PRIM2: variants seen among roughly 807,000 people sequenced by gnomAD.
PRIM2 encodes DNA primase subunit 2, also known as DNA primase large subunit.
A neutral mutation model predicts 67.3 loss-of-function variants in PRIM2; 39 were observed. The observed-to-expected ratio is 0.58, with a 90% confidence interval of 0.45 to 0.76. The LOEUF (loss-of-function observed/expected upper bound fraction) is 0.76, where lower values mean the gene tolerates loss of function less well. Ranked by LOEUF, PRIM2 falls within the 30% of genes least tolerant of loss-of-function variation. The pLI, the probability that PRIM2 is intolerant of heterozygous loss-of-function variation, is 0.00. For synonymous variants in PRIM2, 143 were observed against 198.7 expected, an observed-to-expected ratio of 0.72 and a Z score of 2.36; for missense variants, 398 against 598.7, an observed-to-expected ratio of 0.66 and a Z score of 3.50.
At chr6:57,617,423 G>A (rs1776775253) in intron 12 of PRIM2, among the ~76,000 whole-genome samples, 2 of 152,060 alleles carry the variant, frequency 1.3e-5, no homozygotes, top group African/African-American at 4.8e-5. Flanking sequence ...TTTATTTGAG[G>A]GACACAATTC....
chr6:57,604,306 A>G (rs1188119669), intron 11 of PRIM2, among the ~76,000 whole-genome samples: 7 of 152,170 alleles, frequency 4.6e-5, no homozygotes, highest in African/African-American at 1.4e-4. Flanking sequence ...TGATTTTTGT[A>G]TATTAATTTT....
the PRIM2 span, among the ~76,000 whole-genome samples, chr6:57,241,247 G>GA: frequency 6.7e-6 from 1 of 149,152 alleles, no homozygotes; most frequent in Non-Finnish European, 1.5e-5. Context: ...AAGAAAAAAA[G>GA]AAAAAAGAAA....
intron 3 of PRIM2, among the ~76,000 whole-genome samples, chr6:57,321,760 T>G (rs1767666350): frequency 6.6e-6 from 1 of 152,220 alleles, no homozygotes; most frequent in Non-Finnish European, 1.5e-5. Flanking sequence ...TATTAACCCA[T>G]GTATGTAATT....
chr6:57,380,237 A>G (rs894655682), intron 6 of PRIM2, among the ~76,000 whole-genome samples: 3 of 152,078 alleles, frequency 2.0e-5, no homozygotes, highest in African/African-American at 7.2e-5. Context: ...TGTTTTCCTA[A>G]TGGAATACCC....
chr6:57,419,610 G>A (rs1380053394), intron 7 of PRIM2, among the ~76,000 whole-genome samples: 4 of 152,106 alleles, frequency 2.6e-5, no homozygotes, highest in Non-Finnish European at 4.4e-5. Flanking sequence ...ACTGGGTCCA[G>A]TTCCAGCAAT....
intron 7 of PRIM2, among the ~76,000 whole-genome samples, chr6:57,451,670 C>G (rs1772555353): frequency 6.6e-6 from 1 of 152,066 alleles, no homozygotes; most frequent in African/African-American, 2.4e-5. Flanking sequence ...AGTATGAAAA[C>G]TCTCATGAAT....
At chr6:57,567,467 G>A (rs1359477976) in intron 10 of PRIM2, among the ~76,000 whole-genome samples, 1 of 152,096 alleles carries the variant, frequency 6.6e-6, no homozygotes, top group African/African-American at 2.4e-5. Context: ...TAGGCTGGGT[G>A]TATTAAAATT....
At chr6:57,604,966 G>A (rs1363042248) in intron 11 of PRIM2, among the ~76,000 whole-genome samples, 48 of 152,216 alleles carry the variant, frequency 3.2e-4, no homozygotes, top group African/African-American at 1.0e-3. Flanking sequence ...CTGGGATTAC[G>A]GGCGTGAGCC....
the PRIM2 span, among the ~76,000 whole-genome samples, chr6:57,262,504 C>G: frequency 1.3e-5 from 2 of 152,308 alleles, no homozygotes; most frequent in South Asian, 2.1e-4. Context: ...TCTGCCCCAG[C>G]TCCCACATGT....
At chr6:57,363,902 T>C (rs1769272982) in intron 5 of PRIM2, among the ~76,000 whole-genome samples, 3 of 152,176 alleles carry the variant, frequency 2.0e-5, no homozygotes. Flanking sequence ...ATTTTAGGTC[T>C]TCTTAGTCAT....
upstream of PRIM2, among the ~76,000 whole-genome samples, chr6:57,312,574 C>A (rs1458690954): frequency 6.6e-6 from 1 of 152,114 alleles, no homozygotes; most frequent in African/African-American, 2.4e-5. Flanking sequence ...TTAAAATGAT[C>A]AATCTTTCTC....
At position 57,595,967 on chromosome 6, in the gene PRIM2, ACCAGCC is replaced by A. The variant is rs1385115673; in HGVS notation, c.1021-5123_1021-5118del. ...TAATTATGGCTTGGTCTTTCTGGTG[ACCAGCC>A]CCCATCTAGGAGCCCACCAAGAGTC... On this transcript the variant is annotated intron_variant, in intron 10 of 13. Transcript: ENST00000615550. Among the ~76,000 whole-genome samples, 5 of 151,962 alleles carry A rather than the reference ACCAGCC, an allele frequency of 3.3e-5. No individual in the cohort carries two copies. The South Asian group carries it at 8.4e-4, about 25-fold the overall frequency.
rs1776144674 is a variant in PRIM2, at chr6:57,583,916, A to C, written c.1021-17177A>C. ...GAAACCTTAGTTTCCTCATTTATAAAATACAAATATCTAATTTGCATACCT... is the reference window on the plus strand; with the variant it reads ...GAAACCTTAGTTTCCTCATTTATAACATACAAATATCTAATTTGCATACCT... On this transcript the variant is annotated intron_variant, in intron 10 of 13. Coordinates refer to ENST00000615550, the MANE Select transcript of PRIM2 (RefSeq NM_000947.5). Among the ~76,000 whole-genome samples the C allele has an allele frequency of 2.0e-5, 3 of 152,302 alleles. No individual in the cohort carries two copies. The South Asian group carries it at 6.2e-4, about 31-fold the overall frequency.
chr6:57,378,130 G>A (rs1223331332), intron 5 of PRIM2, among the ~76,000 whole-genome samples: 1 of 148,406 alleles, frequency 6.7e-6, no homozygotes, highest in African/African-American at 2.5e-5. Flanking sequence ...ATGTGATCAT[G>A]GCTTACTGCA....
rs1203174608 is a variant in PRIM2 at position 57,543,716 on chromosome 6, T to C, written c.1020+6091T>C. ...TGCCTGATCGGTATCTGTCTCTTCC[T>C]CCCATCTTTACTTACCTGTGCCTGT... On this transcript the variant is annotated intron_variant, in intron 10 of 13. Coordinates refer to ENST00000615550, the MANE Select transcript of PRIM2 (RefSeq NM_000947.5). Among the ~76,000 whole-genome samples, 10 of 152,320 alleles carry C rather than the reference T, an allele frequency of 6.6e-5. No homozygotes were observed. The South Asian group carries it at 1.9e-3, about 28-fold the overall frequency.
chr6:57,373,710 T>G (rs1397549650), intron 5 of PRIM2, among the ~76,000 whole-genome samples: 2 of 152,210 alleles, frequency 1.3e-5, no homozygotes, highest in African/African-American at 2.4e-5. Context: ...GGGAAATCTT[T>G]CCCTGTTGCT....
chr6:57,257,949 G>C, the PRIM2 span, among the ~76,000 whole-genome samples: 1 of 152,240 alleles, frequency 6.6e-6, no homozygotes, highest in East Asian at 1.9e-4. Context: ...GCAAAAGTTT[G>C]AGCAGCCCTG....
the PRIM2 span, among the ~76,000 whole-genome samples, chr6:57,227,641 CAAA>C: frequency 2.5e-3 from 211 of 84,030 alleles, no homozygotes; most frequent in African/African-American, 9.3e-3. Flanking sequence ...GAGACCATCT[CAAA>C]AAAAAAAAAA....
chr6:57,563,347 T>C (rs1775675427), intron 10 of PRIM2, among the ~76,000 whole-genome samples: 2 of 151,262 alleles, frequency 1.3e-5, no homozygotes, highest in Middle Eastern at 3.2e-3. Flanking sequence ...TTCTGGCTGA[T>C]CATTAGGAAC....
Sources: allele counts gnomAD v4.1 joint callset (sites outside exome capture counted in the v4.1 genomes callset), GRCh38; gene constraint gnomAD v4.1.1; transcripts MANE v1.5; gene names NCBI Gene and HGNC (gene_info 2026-07-23, HGNC 2026-07-21).